Variants in PRH1 observed in about 807,000 individuals in gnomAD.
The protein encoded by PRH1 is proline rich protein HaeIII subfamily 1.
PRH1 carries 7 observed loss-of-function variants against 7.9 expected under a neutral mutation model. That is an observed-to-expected ratio of 0.89 (90% CI 0.50 to 1.67). The LOEUF is 1.67. Among genes scored for constraint, PRH1 ranks in the 40% most tolerant of loss-of-function variants. The pLI, the probability that PRH1 is intolerant of heterozygous loss-of-function variation, is 0.00. For synonymous variants in PRH1, 45 were observed against 80.8 expected (o/e 0.56, Z 2.38); for missense variants, 109 against 223.6 (o/e 0.49, Z 3.27).
chr12:10,973,803 A>G (rs1938953061), intron 1 of PRH1: 1 of 712,514 alleles, frequency 1.4e-6, no homozygotes. Context: ...CAGCTAAACT[A>G]AAATCCAGCA....
chr12:11,087,164 C>G (rs184870984), intron 1 of PRH1, among the ~76,000 whole-genome samples: 3,326 of 83,130 alleles, frequency 0.04, 796 homozygotes, highest in Middle Eastern at 0.053. Context: ...TACAGTGGCA[C>G]AATCATAGCC....
chr12:10,884,639 T>G (rs557612552), upstream of PRH1, among the ~76,000 whole-genome samples: 2 of 152,312 alleles, frequency 1.3e-5, no homozygotes, highest in Non-Finnish European at 2.9e-5. Context: ...GGGTGGACAC[T>G]GATCCTACAG....
At chr12:10,982,972 T>A (rs1939428917) in intron 1 of PRH1, among the ~76,000 whole-genome samples, 1 of 152,170 alleles carries the variant, frequency 6.6e-6, no homozygotes, top group African/African-American at 2.4e-5. Flanking sequence ...TCTGACTCAC[T>A]AAAGGAGTTT....
chr12:11,016,906 C>T (rs1422179467), intron 1 of PRH1, among the ~76,000 whole-genome samples: 2 of 152,214 alleles, frequency 1.3e-5, no homozygotes, highest in Non-Finnish European at 2.9e-5. Flanking sequence ...TGGAATTGAT[C>T]ACTACCATGA....
chr12:10,883,414 T>C (rs1949440444), intron 1 of PRH1, among the ~76,000 whole-genome samples: 1 of 152,166 alleles, frequency 6.6e-6, no homozygotes, highest in Non-Finnish European at 1.5e-5. Flanking sequence ...CCATCTGTTT[T>C]CTCATCCTCC....
chr12:11,091,467 G>C (rs1212977871), intron 1 of PRH1: 4 of 1,281,754 alleles, frequency 3.1e-6, no homozygotes, highest in African/African-American at 3.1e-5. Context: ...TTGTTTTCCA[G>C]ACTTCCAAAA....
chr12:11,148,457 G>A (rs77816933), intron 1 of PRH1, among the ~76,000 whole-genome samples: 40,577 of 140,388 alleles, frequency 0.29, 6,928 homozygotes, highest in East Asian at 0.72. Context: ...TTTGAGATAC[G>A]TCCCATCAAT....
At chr12:10,971,620 G>T (rs1938819082) in intron 2 of PRH1, among the ~76,000 whole-genome samples, 1 of 152,060 alleles carries the variant, frequency 6.6e-6, no homozygotes, top group Admixed American at 6.5e-5. Flanking sequence ...CTTAAGATGT[G>T]CTCCTTCATC....
At chr12:10,892,544 G>A (rs1005496543) in intron 2 of PRH1, among the ~76,000 whole-genome samples, 2 of 152,084 alleles carry the variant, frequency 1.3e-5, no homozygotes, top group Non-Finnish European at 2.9e-5. Context: ...TAAGGGGTAT[G>A]TCATTTTATG....
intron 1 of PRH1, among the ~76,000 whole-genome samples, chr12:11,008,372 G>A (rs1565544335): frequency 1.3e-5 from 2 of 151,968 alleles, no homozygotes; most frequent in Non-Finnish European, 2.9e-5. Flanking sequence ...CTGGAAAACT[G>A]GGAAATAGAG....
chr12:11,061,185 A>G (rs1943583562), intron 1 of PRH1, among the ~76,000 whole-genome samples: 1 of 107,840 alleles, frequency 9.3e-6, no homozygotes. Flanking sequence ...CATACACACA[A>G]AAATACATAT....
At chr12:10,992,056 C>T (rs998321137) in intron 1 of PRH1, among the ~76,000 whole-genome samples, 1 of 152,098 alleles carries the variant, frequency 6.6e-6, no homozygotes, top group Non-Finnish European at 1.5e-5. Flanking sequence ...CAAAAGCTGA[C>T]TCCTGAGGTC....
At chr12:11,077,864 T>C in intron 1 of PRH1, 1 of 991,796 alleles carries the variant, frequency 1.0e-6, no homozygotes, top group Non-Finnish European at 1.6e-6. Context: ...AGAACAACAC[T>C]CCTAATTCTC....
intron 1 of PRH1, among the ~76,000 whole-genome samples, chr12:10,978,097 G>C (rs976474396): frequency 2.9e-5 from 4 of 137,272 alleles, no homozygotes; most frequent in African/African-American, 1.1e-4. Context: ...AAAAAAGAAA[G>C]AGCCCAAATA....
At chr12:11,039,670 G>C (rs1462994401) in intron 1 of PRH1, among the ~76,000 whole-genome samples, 1 of 152,252 alleles carries the variant, frequency 6.6e-6, no homozygotes, top group Non-Finnish European at 1.5e-5. Flanking sequence ...TTCAACGCCA[G>C]TAATATGTAG....
chr12:11,091,113 C>CATATATATATATATATATATAT (rs1447599116), intron 1 of PRH1, among the ~76,000 whole-genome samples: 10 of 5,664 alleles, frequency 1.8e-3, no homozygotes, highest in Admixed American at 8.7e-3. Context: ...CACACACACA[C>CATATATATATATATATATATAT]ACATATATAT....
At chr12:11,009,592 C>T (rs1019919539) in intron 1 of PRH1, among the ~76,000 whole-genome samples, 1 of 151,824 alleles carries the variant, frequency 6.6e-6, no homozygotes, top group African/African-American at 2.4e-5. Flanking sequence ...AGTACTCTAG[C>T]CATGAAAATA....
intron 1 of PRH1, among the ~76,000 whole-genome samples, chr12:11,150,646 A>G (rs2136425111): frequency 6.6e-6 from 1 of 152,206 alleles, no homozygotes; most frequent in Admixed American, 6.5e-5. Context: ...CAGGAAGGGG[A>G]ACATCACATT....
intron 1 of PRH1, among the ~76,000 whole-genome samples, chr12:11,098,759 C>T (rs1442308376): frequency 6.6e-6 from 1 of 152,186 alleles, no homozygotes; most frequent in African/African-American, 2.4e-5. Context: ...GCCAATACTC[C>T]ATAAGATTTG....
Sources: allele counts gnomAD v4.1 joint callset (sites outside exome capture counted in the v4.1 genomes callset), GRCh38; gene constraint gnomAD v4.1.1; transcripts MANE v1.5; gene names NCBI Gene and HGNC (gene_info 2026-07-23, HGNC 2026-07-21).